CNTN5: variants seen among roughly 807,000 people sequenced by gnomAD.
The protein encoded by CNTN5 is contactin-5.
In CNTN5, 77 loss-of-function variants were observed where a neutral mutation model predicts 129.1. The ratio of observed to expected loss-of-function variants is 0.60; its 90% confidence interval spans 0.50 to 0.72. The LOEUF (loss-of-function observed/expected upper bound fraction) is 0.72, where lower values mean the gene tolerates loss of function less well. Ranked by LOEUF, CNTN5 falls within the 30% of genes least tolerant of loss-of-function variation. The probability of loss-of-function intolerance (pLI) is 0.00; values close to 1 mark genes in which losing one functional copy is unlikely to be tolerated. For synonymous variants in CNTN5, 509 were observed against 465.6 expected (o/e 1.09, Z -1.20); for missense variants, 1,478 against 1,328.8 (o/e 1.11, Z -1.75).
At chr11:99,907,865 A>G (rs780742069) in intron 6 of CNTN5, among the ~76,000 whole-genome samples, 5 of 152,032 alleles carry the variant, frequency 3.3e-5, no homozygotes, top group Admixed American at 6.6e-5. Context: ...TATCAAATCA[A>G]TTATCAAAAT....
intron 6 of CNTN5, among the ~76,000 whole-genome samples, chr11:99,884,500 G>A (rs544871504): frequency 5.6e-4 from 85 of 152,162 alleles, no homozygotes; most frequent in African/African-American, 1.7e-3. Context: ...AGAAGAGAAC[G>A]GAAATAATAG....
intron 24 of CNTN5, among the ~76,000 whole-genome samples, chr11:100,352,323 C>T (rs903729888): frequency 6.6e-6 from 1 of 151,594 alleles, no homozygotes. Context: ...ATTTGCATAC[C>T]TGTAAATTAG....
intron 3 of CNTN5, among the ~76,000 whole-genome samples, chr11:99,784,991 G>T (rs1440412316): frequency 6.6e-6 from 1 of 151,772 alleles, no homozygotes; most frequent in African/African-American, 2.4e-5. Flanking sequence ...AGTAGAGACA[G>T]GGTTTCACCA....
At chr11:99,232,789 T>C (rs1861070062) in intron 1 of CNTN5, among the ~76,000 whole-genome samples, 2 of 152,204 alleles carry the variant, frequency 1.3e-5, no homozygotes, top group African/African-American at 4.8e-5. Flanking sequence ...CGTATACTTA[T>C]CTCTATGATC....
chr11:99,848,501 A>G lies in CNTN5; in HGVS notation c.577+3239A>G, dbSNP rs368386097. On this transcript the variant is annotated intron_variant, in intron 6 of 24. Transcript: ENST00000524871. ...TCGACTGAGATAATGATTAAAGCAT[A>G]TTTAATCCAATTTTGTTAAACATTT... 1.8e-4 allele frequency among the ~76,000 whole-genome samples: 27 copies of G among 152,272 alleles called. No individual in the cohort carries two copies. The East Asian group carries it at 2.7e-3, about 15-fold the overall frequency.
At chr11:99,954,355 T>C (rs1050612451) in intron 7 of CNTN5, among the ~76,000 whole-genome samples, 16 of 48,956 alleles carry the variant, frequency 3.3e-4, no homozygotes, top group Non-Finnish European at 6.5e-4. Context: ...ATAACCATAC[T>C]GTTAAAAAAA....
At chr11:99,176,163 TG>T (rs759795515) in intron 1 of CNTN5, among the ~76,000 whole-genome samples, 12 of 152,232 alleles carry the variant, frequency 7.9e-5, no homozygotes, top group Non-Finnish European at 1.0e-4. Context: ...CATTTTTTGT[TG>T]TTTTAGGAAA....
At chr11:99,254,228 A>G (rs1364053723) in intron 1 of CNTN5, among the ~76,000 whole-genome samples, 2 of 151,868 alleles carry the variant, frequency 1.3e-5, no homozygotes, top group Non-Finnish European at 2.9e-5. Flanking sequence ...ATGAACAGGT[A>G]TGGATGGATA....
chr11:99,498,302 G>A (rs1158361710), intron 2 of CNTN5, among the ~76,000 whole-genome samples: 1 of 152,114 alleles, frequency 6.6e-6, no homozygotes, highest in Non-Finnish European at 1.5e-5. Flanking sequence ...TAAAGTCAGT[G>A]TGTCATTTGT....
intron 1 of CNTN5, among the ~76,000 whole-genome samples, chr11:99,320,819 G>A (rs1052991164): frequency 2.0e-5 from 3 of 152,040 alleles, no homozygotes; most frequent in Non-Finnish European, 4.4e-5. Flanking sequence ...CCAGACATTG[G>A]GTCAAACATT....
intron 3 of CNTN5, among the ~76,000 whole-genome samples, chr11:99,733,365 G>A (rs576105773): frequency 6.4e-4 from 89 of 139,008 alleles, no homozygotes; most frequent in Non-Finnish European, 1.2e-3. Context: ...TTTCTGGGGC[G>A]CCTCCTGCTG....
chr11:99,669,474 A>G (rs4406796), intron 3 of CNTN5, among the ~76,000 whole-genome samples: 6,208 of 24,000 alleles, frequency 0.26, 164 homozygotes, highest in Admixed American at 0.42. Flanking sequence ...GTGTGTGTGT[A>G]TATGTGTATA....
At chr11:100,347,502 T>C (rs1053914917) in intron 23 of CNTN5, among the ~76,000 whole-genome samples, 1 of 152,158 alleles carries the variant, frequency 6.6e-6, no homozygotes, top group African/African-American at 2.4e-5. Context: ...GAATTTTTAA[T>C]AATTGAAATA....
At chr11:99,858,100 A>G (rs1191533797) in intron 6 of CNTN5, among the ~76,000 whole-genome samples, 1 of 152,086 alleles carries the variant, frequency 6.6e-6, no homozygotes, top group Admixed American at 6.6e-5. Flanking sequence ...TTTCCAGGCA[A>G]TTATAAGAAA....
intron 16 of CNTN5, among the ~76,000 whole-genome samples, chr11:100,252,498 T>C (rs1351222471): frequency 1.3e-5 from 2 of 152,196 alleles, no homozygotes; most frequent in African/African-American, 2.4e-5. Context: ...AAAACCAAGG[T>C]CCTGAAGCAC....
chr11:99,459,351 C>T (rs1172872221), intron 2 of CNTN5, among the ~76,000 whole-genome samples: 1 of 151,836 alleles, frequency 6.6e-6, no homozygotes, highest in Non-Finnish European at 1.5e-5. Flanking sequence ...AGATATGGAG[C>T]TTTGGATTTA....
At chr11:99,720,043 GACA>G (rs947228740) in intron 3 of CNTN5, among the ~76,000 whole-genome samples, 12 of 151,864 alleles carry the variant, frequency 7.9e-5, no homozygotes, top group African/African-American at 2.4e-4. Context: ...ATAGCCTACC[GACA>G]ACAACAAAAA....
intron 1 of CNTN5, among the ~76,000 whole-genome samples, chr11:99,247,453 T>TTTATTA (rs111433002): frequency 9.0e-4 from 136 of 150,466 alleles, no homozygotes; most frequent in African/African-American, 2.4e-3. Flanking sequence ...CTACATTTCT[T>TTTATTA]TTATTATTAT....
At chr11:99,834,777 T>C (rs1202163022) in intron 4 of CNTN5, among the ~76,000 whole-genome samples, 2 of 152,102 alleles carry the variant, frequency 1.3e-5, no homozygotes, top group African/African-American at 4.8e-5. Context: ...CTACTAAGGC[T>C]CAGGGATAAC....
Sources: gnomAD v4.1 joint callset for allele counts (sites outside exome capture counted in the v4.1 genomes callset) on GRCh38, gnomAD v4.1.1 for gene constraint, MANE v1.5 for transcripts, NCBI Gene and HGNC (gene_info 2026-07-23, HGNC 2026-07-21) for gene names.